AKAP6: variants seen among roughly 807,000 people sequenced by gnomAD.
The protein encoded by AKAP6 is A-kinase anchor protein 6.
A neutral mutation model predicts 188.5 loss-of-function variants in AKAP6; 58 were observed. The ratio of observed to expected loss-of-function variants is 0.31; its 90% CI spans 0.25 to 0.38. The LOEUF is 0.38. AKAP6 is among the 10% of genes least tolerant of loss of function. The pLI is 1.00. For missense variants in AKAP6, 2,710 were observed against 2,740.0 expected, an observed-to-expected ratio of 0.99 and a Z score of 0.24; for synonymous variants, 989 against 998.6, an observed-to-expected ratio of 0.99 and a Z score of 0.18.
chr14:32,743,399 C>A (rs903278847), intron 11 of AKAP6, among the ~76,000 whole-genome samples: 9 of 152,084 alleles, frequency 5.9e-5, no homozygotes, highest in African/African-American at 2.2e-4. Context: ...CTTACTCCTG[C>A]TATTTTGTTA....
At chr14:32,693,401 C>T (rs968485572) in intron 8 of AKAP6, 2 of 152,212 alleles carry the variant, frequency 1.3e-5, no homozygotes, top group African/African-American at 4.8e-5. Context: ...AGTTCACCAG[C>T]TGACCTCTCA....
intron 2 of AKAP6, among the ~76,000 whole-genome samples, chr14:32,505,726 A>G (rs1433009519): frequency 6.6e-6 from 1 of 152,194 alleles, no homozygotes; most frequent in African/African-American, 2.4e-5. Context: ...GATTCTACTT[A>G]GTTAAGAAGT....
intron 2 of AKAP6, among the ~76,000 whole-genome samples, chr14:32,520,029 A>G (rs1330110873): frequency 1.3e-5 from 2 of 152,240 alleles, no homozygotes. Flanking sequence ...ATTAGAGCTC[A>G]GGATTAAGAA....
intron 2 of AKAP6, among the ~76,000 whole-genome samples, chr14:32,510,376 A>ATG (rs542017911): frequency 0.02 from 1,277 of 63,282 alleles, 26 homozygotes; most frequent in African/African-American, 0.081. Context: ...GTGTATATAT[A>ATG]TGTGTATATA....
chr14:32,439,062 C>T (rs956840794), intron 2 of AKAP6: 8 of 152,196 alleles, frequency 5.3e-5, no homozygotes, highest in African/African-American at 1.7e-4. Flanking sequence ...CCTAAGCCAC[C>T]TCCACATGAG....
intron 9 of AKAP6, among the ~76,000 whole-genome samples, chr14:32,729,193 G>A (rs1477155448): frequency 6.6e-6 from 1 of 151,818 alleles, no homozygotes. Flanking sequence ...TTATTCTTCT[G>A]GTTTCCATGG....
chr14:32,818,931 AGT>A (rs1235660892), intron 12 of AKAP6, among the ~76,000 whole-genome samples: 1 of 152,244 alleles, frequency 6.6e-6, no homozygotes, highest in Non-Finnish European at 1.5e-5. Context: ...CTCAGAGTAC[AGT>A]GTCAGCCAAG....
intron 12 of AKAP6, 198 bp downstream of exon 12, chr14:32,774,091 C>T: frequency 1.7e-6 from 1 of 597,860 alleles, no homozygotes; most frequent in Non-Finnish European, 3.0e-6. Context: ...AATGAAACTC[C>T]ATTTGTCATA....
At chr14:32,797,736 G>A (rs1594955691) in intron 12 of AKAP6, among the ~76,000 whole-genome samples, 1 of 151,064 alleles carries the variant, frequency 6.6e-6, no homozygotes, top group African/African-American at 2.4e-5. Flanking sequence ...GTTTACCTAT[G>A]TAGCAAACCT....
At chr14:32,462,980 TA>T (rs71115073) in intron 2 of AKAP6, among the ~76,000 whole-genome samples, 1,534 of 115,088 alleles carry the variant, frequency 0.013, 45 homozygotes, top group African/African-American at 0.039. Context: ...CAACAAAGAT[TA>T]AAAAAAAAAA....
chr14:32,342,661 C>G (rs1171694505), intron 1 of AKAP6, among the ~76,000 whole-genome samples: 1 of 152,148 alleles, frequency 6.6e-6, no homozygotes, highest in Non-Finnish European at 1.5e-5. Context: ...CTCAAGTATC[C>G]AGTGTAGCTA....
At chr14:32,723,385 G>A (rs2030658689) in intron 9 of AKAP6, among the ~76,000 whole-genome samples, 1 of 152,088 alleles carries the variant, frequency 6.6e-6, no homozygotes, top group Non-Finnish European at 1.5e-5. Flanking sequence ...CATTATGGCA[G>A]CATGTTTTGT....
intron 7 of AKAP6, among the ~76,000 whole-genome samples, chr14:32,671,492 TA>T (rs1566637567): frequency 7.0e-6 from 1 of 143,352 alleles, no homozygotes; most frequent in South Asian, 2.2e-4. Context: ...TTTTTCTCTC[TA>T]TTTTTTTTTT....
chr14:32,695,614 A>G (rs754372103), intron 8 of AKAP6, among the ~76,000 whole-genome samples: 2 of 152,332 alleles, frequency 1.3e-5, no homozygotes, highest in South Asian at 2.1e-4. Context: ...ATTCAGGACC[A>G]TGTAACCTTC....
intron 2 of AKAP6, among the ~76,000 whole-genome samples, chr14:32,505,781 C>T (rs919876393): frequency 1.3e-5 from 2 of 152,118 alleles, no homozygotes; most frequent in Non-Finnish European, 2.9e-5. Flanking sequence ...TTCACAATTA[C>T]AGTCTGATAA....
At chr14:32,696,386 A>G (rs1160183826) in intron 9 of AKAP6, among the ~76,000 whole-genome samples, 1 of 152,228 alleles carries the variant, frequency 6.6e-6, no homozygotes, top group East Asian at 1.9e-4. Flanking sequence ...AATAAATGAA[A>G]CTGCATTCAT....
chr14:32,334,130 G>C (rs1594511944), intron 1 of AKAP6, among the ~76,000 whole-genome samples: 2 of 152,144 alleles, frequency 1.3e-5, no homozygotes. Context: ...AATCCATATA[G>C]GACTTTGGCC....
At chr14:32,579,752 C>G (rs1884883046) in intron 5 of AKAP6, among the ~76,000 whole-genome samples, 1 of 152,012 alleles carries the variant, frequency 6.6e-6, no homozygotes, top group Admixed American at 6.6e-5. Flanking sequence ...TACTGTCATG[C>G]TGAATTAATG....
At position 32,546,567 on chromosome 14, in the gene AKAP6, G is replaced by C. The variant is rs764315751; in HGVS notation, c.1914G>C (p.Lys638Asn). 6.2e-7 allele frequency: 1 copy of C among 1,614,048 alleles called. No homozygotes were observed. The highest frequency in any genetic ancestry group is 8.5e-7 in the Non-Finnish European group (1 of 1,180,038). The change falls in exon 4 of 14, where the codon AAG becomes AAC. Residue 638 changes from lysine to asparagine, a missense_variant. Physicochemically the swap from Lys to Asn is moderately conservative, Grantham distance 94 (BLOSUM62 0). This residue lies in a region of AKAP6 where 2,473 missense variants were observed against 2,426.1 expected (regional missense o/e 1.02). Transcript: ENST00000280979. ...DEYLALPSHL[K>N]QTEVLALKLE... is the part of the protein sequence containing the mutation. ...ACCTAGCACTGCCCTCTCACCTTAA[G>C]CAGACAGAAGTATTGGCTTTGAAGT...
Sources: gnomAD v4.1 joint callset for allele counts (sites outside exome capture counted in the v4.1 genomes callset) on GRCh38, gnomAD v4.1.1 for gene constraint, gnomAD v4.1.1 regional missense constraint, MANE v1.5 for transcripts, NCBI Gene and HGNC (gene_info 2026-07-23, HGNC 2026-07-21) for gene names.